Variants in HACD2 observed in about 807,000 individuals in gnomAD.
The protein encoded by HACD2 is very-long-chain (3R)-3-hydroxyacyl-CoA dehydratase 2.
Under a neutral mutation model 31.0 loss-of-function variants are expected in HACD2, and 15 were observed. The ratio of observed to expected loss-of-function variants is 0.48; its 90% CI spans 0.32 to 0.75. The LOEUF is 0.75. Among genes scored for constraint, HACD2 ranks in the 30% least tolerant of loss-of-function variants. HACD2 has a pLI of 0.03. For synonymous variants in HACD2, 115 were observed against 122.2 expected (o/e 0.94, Z 0.39); for missense variants, 283 against 313.0 (o/e 0.90, Z 0.72).
chr3:123,579,212 T>G (rs1322444188), intron 2 of HACD2, among the ~76,000 whole-genome samples: 1 of 152,162 alleles, frequency 6.6e-6, no homozygotes, highest in Non-Finnish European at 1.5e-5. Flanking sequence ...GGTTCCTGAG[T>G]GGATTTTAAA....
At chr3:123,559,670 C>A (rs1326259458) in intron 3 of HACD2, among the ~76,000 whole-genome samples, 1 of 152,166 alleles carries the variant, frequency 6.6e-6, no homozygotes, top group Non-Finnish European at 1.5e-5. Flanking sequence ...GACTGGACAG[C>A]CAGCTAATAC....
At position 123,494,624 on chromosome 3, in the gene HACD2, C is replaced by T. The variant is rs1303931924; in HGVS notation, c.*264G>A. The T allele has an allele frequency of 4.2e-6, 2 of 475,342 alleles. No individual in the cohort carries two copies. Among genetic ancestry groups the T allele is most frequent in the Non-Finnish European group, 7.5e-6 (2 of 268,452 alleles). The allele number at this position is 475,342 out of a possible 1,614,324, so 29.4% of individuals were successfully genotyped here. The stretch of plus-strand genomic sequence containing the variant: ...CAGAAGGACATAAAATGCCAAATCC[C>T]TTTCTAGTGCCATCATAAATATTAA... On this transcript the variant is annotated 3_prime_UTR_variant, in exon 7 of 7. Coordinates refer to ENST00000383657, the MANE Select transcript of HACD2 (RefSeq NM_198402.5).
chr3:123,546,217 G>T (rs1003453984), intron 3 of HACD2, among the ~76,000 whole-genome samples: 7 of 152,118 alleles, frequency 4.6e-5, no homozygotes, highest in African/African-American at 1.7e-4. Context: ...ATATAGAGCC[G>T]ATTCATTACT....
At chr3:123,577,224 G>A (rs577569339) in intron 2 of HACD2, among the ~76,000 whole-genome samples, 1 of 152,328 alleles carries the variant, frequency 6.6e-6, no homozygotes, top group East Asian at 1.9e-4. Flanking sequence ...ATATGTTGAA[G>A]ATAGCCTGTA....
At chr3:123,536,413 A>T (rs2056426748) in intron 3 of HACD2, among the ~76,000 whole-genome samples, 1 of 152,226 alleles carries the variant, frequency 6.6e-6, no homozygotes, top group Admixed American at 6.5e-5. Flanking sequence ...ACATGGCAAC[A>T]ACACAAACAG....
chr3:123,566,952 T>C (rs978849532), intron 3 of HACD2, among the ~76,000 whole-genome samples: 5 of 152,178 alleles, frequency 3.3e-5, no homozygotes. Context: ...AACTGTAAGT[T>C]TCCCTGAATA....
At chr3:123,513,579 T>C (rs759708784) in intron 4 of HACD2, among the ~76,000 whole-genome samples, 3 of 152,104 alleles carry the variant, frequency 2.0e-5, no homozygotes, top group Non-Finnish European at 4.4e-5. Context: ...CACAAGGCCA[T>C]GAGGGACAGG....
chr3:123,560,485 G>A (rs979227627), intron 3 of HACD2, among the ~76,000 whole-genome samples: 1 of 152,164 alleles, frequency 6.6e-6, no homozygotes, highest in African/African-American at 2.4e-5. Flanking sequence ...CCTCTAAGCA[G>A]GGGAGACAGG....
At chr3:123,506,745 T>G (rs2055980553) in intron 4 of HACD2, among the ~76,000 whole-genome samples, 1 of 152,176 alleles carries the variant, frequency 6.6e-6, no homozygotes. Context: ...ACTTTTCTAT[T>G]TTGAAAACAA....
intron 2 of HACD2, among the ~76,000 whole-genome samples, chr3:123,573,141 T>A (rs1259078015): frequency 6.6e-6 from 1 of 152,232 alleles, no homozygotes; most frequent in Non-Finnish European, 1.5e-5. Context: ...ATATTTGATT[T>A]GTTTTAGGAA....
intron 3 of HACD2, among the ~76,000 whole-genome samples, chr3:123,541,977 C>A (rs536613707): frequency 5.3e-5 from 8 of 151,462 alleles, no homozygotes; most frequent in Non-Finnish European, 7.4e-5. Flanking sequence ...GAAACCCCGT[C>A]TCTACTAAAA....
intron 4 of HACD2, among the ~76,000 whole-genome samples, chr3:123,519,016 A>AAAAAG (rs2056180805): frequency 6.6e-6 from 1 of 151,318 alleles, no homozygotes; most frequent in African/African-American, 2.4e-5. Flanking sequence ...AAAAAAAAAA[A>AAAAAG]AAAAGCAGAG....
chr3:123,559,073 C>T (rs553708481), intron 3 of HACD2, among the ~76,000 whole-genome samples: 10 of 152,328 alleles, frequency 6.6e-5, no homozygotes, highest in South Asian at 4.1e-4. Flanking sequence ...TACCTCGAAT[C>T]TTAAGGATCA....
In HACD2 at chr3:123,569,988, C is replaced by CAA. The variant is rs55844728; in HGVS notation, c.274-2210_274-2209dup. On this transcript the variant is annotated intron_variant, in intron 2 of 6. Coordinates refer to ENST00000383657, the MANE Select transcript of HACD2 (RefSeq NM_198402.5). ...TGGGCGAGAGAGCAACACTCCATCT[C>CAA]AAAAAAAAAAAAAAAAAAAAAAAAA... 9.0e-4 allele frequency among the ~76,000 whole-genome samples: 35 copies of CAA among 38,714 alleles called. 10 individuals are homozygous for CAA. The highest frequency in any genetic ancestry group is 1.5e-3 in the Non-Finnish European group (30 of 20,224). The allele number at this position is 38,714 out of a possible 152,430, so 25.4% of individuals were successfully genotyped here.
rs180880670 is a variant in HACD2 at position 123,541,069 on chromosome 3, G to A, written c.293-12595C>T. Among the ~76,000 whole-genome samples, 538 of 152,228 alleles carry A rather than the reference G, an allele frequency of 3.5e-3. 2 individuals carry two copies. The highest frequency in any genetic ancestry group is 6.3e-3 in the Non-Finnish European group (431 of 68,006). On this transcript the variant is annotated intron_variant, in intron 3 of 6. Transcript: ENST00000383657. Reference sequence around the variant, plus strand: ...GTGGATCACCTGAGGTTAGGAGTTCGAGACCAGCCTGGCCAACATGATGAA... The same window carrying A: ...GTGGATCACCTGAGGTTAGGAGTTCAAGACCAGCCTGGCCAACATGATGAA...
intron 1 of HACD2, chr3:123,584,480 C>A: frequency 5.7e-6 from 1 of 176,608 alleles, no homozygotes; most frequent in African/African-American, 2.4e-5. Flanking sequence ...AGCTCCTCCA[C>A]TCCCCATGCT....
chr3:123,543,448 A>G (rs535399223), intron 3 of HACD2, among the ~76,000 whole-genome samples: 44 of 152,350 alleles, frequency 2.9e-4, no homozygotes, highest in African/African-American at 9.6e-4. Flanking sequence ...GAATATTGTT[A>G]TATCACAAGA....
intron 4 of HACD2, among the ~76,000 whole-genome samples, chr3:123,513,287 T>C (rs9810671): frequency 0.17 from 25,406 of 152,036 alleles, 2,734 homozygotes; most frequent in African/African-American, 0.3. Context: ...GTAAAAGAAA[T>C]GACAGAAATA....
chr3:123,535,714 T>G (rs927351615), intron 3 of HACD2, among the ~76,000 whole-genome samples: 1 of 152,224 alleles, frequency 6.6e-6, no homozygotes, highest in Non-Finnish European at 1.5e-5. Context: ...TCATCCATGC[T>G]GAGCCTTCCA....
Sources: gnomAD v4.1 joint callset for allele counts (sites outside exome capture counted in the v4.1 genomes callset) on GRCh38, gnomAD v4.1.1 for gene constraint, MANE v1.5 for transcripts, NCBI Gene and HGNC (gene_info 2026-07-23, HGNC 2026-07-21) for gene names.